The following WASF3 variants were observed in gnomAD, a reference collection of about 807,000 sequenced individuals.
The protein encoded by WASF3 is WASP family member 3, also known as actin-binding protein WASF3.
WASF3 carries 11 observed loss-of-function variants against 46.6 expected under a neutral mutation model. The observed-to-expected ratio is 0.24, with a 90% CI of 0.15 to 0.39. The LOEUF is 0.39. WASF3 is among the 10% of genes least tolerant of loss of function. WASF3 has a pLI of 1.00. For synonymous variants in WASF3, 242 were observed against 259.7 expected (o/e 0.93, Z 0.65); for missense variants, 576 against 669.8 (o/e 0.86, Z 1.55).
At chr13:26,672,243 TTAG>T (rs1157493350) in intron 6 of WASF3, among the ~76,000 whole-genome samples, 14 of 152,248 alleles carry the variant, frequency 9.2e-5, no homozygotes, top group Non-Finnish European at 2.1e-4. Context: ...TTACCATGTT[TTAG>T]TAACTCCTCT....
intron 1 of WASF3, among the ~76,000 whole-genome samples, chr13:26,589,962 C>G (rs953276633): frequency 2.0e-5 from 3 of 152,186 alleles, no homozygotes; most frequent in African/African-American, 7.2e-5. Flanking sequence ...GCTCAGTGTA[C>G]AGGAAGGAAT....
chr13:26,561,298 A>G (rs1879287501), intron 1 of WASF3, among the ~76,000 whole-genome samples: 1 of 152,102 alleles, frequency 6.6e-6, no homozygotes, highest in African/African-American at 2.4e-5. Flanking sequence ...TTGAGGAGGT[A>G]GAATTGCTGG....
At chr13:26,547,393 A>AACACACACAC in the WASF3 span, among the ~76,000 whole-genome samples, 14 of 131,346 alleles carry the variant, frequency 1.1e-4, no homozygotes, top group African/African-American at 4.0e-4. Flanking sequence ...CTACCCCATC[A>AACACACACAC]ACACACACAC....
intron 1 of WASF3, among the ~76,000 whole-genome samples, chr13:26,588,487 G>A (rs1207866042): frequency 1.3e-5 from 2 of 152,200 alleles, no homozygotes; most frequent in East Asian, 1.9e-4. Flanking sequence ...GGAGGTTGGG[G>A]TAAGAGATTA....
At chr13:26,552,194 A>T in the WASF3 span, among the ~76,000 whole-genome samples, 3 of 152,238 alleles carry the variant, frequency 2.0e-5, no homozygotes, top group Non-Finnish European at 4.4e-5. Context: ...TGGGGGAAAA[A>T]GACAATTTCT....
chr13:26,614,312 T>C (rs923613597), intron 2 of WASF3, among the ~76,000 whole-genome samples: 4 of 152,228 alleles, frequency 2.6e-5, no homozygotes, highest in African/African-American at 9.6e-5. Flanking sequence ...CAGGAATGTA[T>C]CTGTGTTCTC....
chr13:26,554,092 C>CTTTCTTTCT (rs1443126879), upstream of WASF3, among the ~76,000 whole-genome samples: 121 of 23,136 alleles, frequency 5.2e-3, no homozygotes, highest in East Asian at 0.014. Context: ...TCCTTCCTTC[C>CTTTCTTTCT]TTCCTTCTTT....
chr13:26,564,900 G>GT (rs66809412), intron 1 of WASF3, among the ~76,000 whole-genome samples: 27,421 of 81,466 alleles, frequency 0.34, 4,648 homozygotes, highest in East Asian at 0.43. Context: ...CAAGGTTGTG[G>GT]TTTTTTTTTT....
At chr13:26,567,667 T>C (rs1308340956) in intron 1 of WASF3, among the ~76,000 whole-genome samples, 1 of 150,334 alleles carries the variant, frequency 6.7e-6, no homozygotes, top group Non-Finnish European at 1.5e-5. Flanking sequence ...GGGCTCACAT[T>C]GTAGTAGGTG....
intron 2 of WASF3, among the ~76,000 whole-genome samples, chr13:26,632,488 A>G (rs55853913): frequency 1.1e-4 from 17 of 152,254 alleles, no homozygotes; most frequent in African/African-American, 3.4e-4. Flanking sequence ...TGATTTGCAT[A>G]TGTTGAACCA....
chr13:26,665,212 GT>G, intron 4 of WASF3, 50 bp downstream of exon 4: 1 of 1,593,908 alleles, frequency 6.3e-7, no homozygotes, highest in Non-Finnish European at 8.6e-7. Flanking sequence ...TGACAAGATG[GT>G]AGTAATTAAT....
intron 1 of WASF3, among the ~76,000 whole-genome samples, chr13:26,582,235 T>A (rs1880000048): frequency 1.3e-5 from 2 of 152,296 alleles, no homozygotes; most frequent in South Asian, 4.1e-4. Flanking sequence ...CTGGATGCTC[T>A]GTTGCCTCTA....
rs1019808919 is a variant in WASF3, at chr13:26,686,592, G to A, written c.*747G>A. ...AAGAACAGAGTCCATTTTCCTTCCT[G>A]GGGCCATTGGGGATGACACTCAAGA... On this transcript the variant is annotated 3_prime_UTR_variant, in exon 10 of 10. Transcript: ENST00000335327. The A allele has an allele frequency of 6.6e-6, 1 of 152,310 alleles. No homozygotes were observed. Among genetic ancestry groups the A allele is most frequent in the Non-Finnish European group, 1.5e-5 (1 of 68,128 alleles). The allele number at this position is 152,310 out of a possible 1,614,324, so 9.4% of individuals were successfully genotyped here. A position where few individuals can be genotyped will look rare whatever the true frequency, so the allele number is the denominator to read the frequency against.
intron 1 of WASF3, among the ~76,000 whole-genome samples, chr13:26,558,625 C>T (rs972308860): frequency 1.3e-5 from 2 of 152,140 alleles, no homozygotes; most frequent in Non-Finnish European, 2.9e-5. Context: ...GGGAGAGTTC[C>T]CTGGTGGAGA....
In WASF3 at chr13:26,559,606, G is replaced by C. The variant is rs574889226; in HGVS notation, c.-109+1787G>C. 2.1e-4 allele frequency among the ~76,000 whole-genome samples: 32 copies of C among 152,032 alleles called. 1 individual carries two copies. The highest frequency in any genetic ancestry group is 3.4e-4 in the Non-Finnish European group (23 of 68,000). ...ATGGCAGGTAACCTTTTGGTTATTG[G>C]GATGTTTTGATTAAAACAATTGCGT... On this transcript the variant is annotated intron_variant, in intron 1 of 9. Transcript: ENST00000335327.
At chr13:26,570,567 T>C (rs748702686) in intron 1 of WASF3, among the ~76,000 whole-genome samples, 4 of 152,194 alleles carry the variant, frequency 2.6e-5, no homozygotes, top group African/African-American at 4.8e-5. Context: ...ACTTTGCTTT[T>C]TTTCACTTAA....
chr13:26,607,212 G>C (rs906748132), intron 1 of WASF3, among the ~76,000 whole-genome samples: 1 of 152,000 alleles, frequency 6.6e-6, no homozygotes, highest in African/African-American at 2.4e-5. Context: ...CTTGTGGTGT[G>C]GTATTTTTTG....
At chr13:26,684,917 T>A (rs1210122348) in intron 9 of WASF3, among the ~76,000 whole-genome samples, 1 of 152,122 alleles carries the variant, frequency 6.6e-6, no homozygotes, top group Non-Finnish European at 1.5e-5. Flanking sequence ...ACTCTATCTC[T>A]ACAAAAAAGA....
intron 1 of WASF3, among the ~76,000 whole-genome samples, chr13:26,595,536 G>A (rs1254690632): frequency 6.6e-6 from 1 of 152,146 alleles, no homozygotes; most frequent in East Asian, 1.9e-4. Flanking sequence ...GTGTGTGTGT[G>A]TGAGTGTGTA....
Sources: gnomAD v4.1 joint callset for allele counts (sites outside exome capture counted in the v4.1 genomes callset) on GRCh38, gnomAD v4.1.1 for gene constraint, MANE v1.5 for transcripts, NCBI Gene and HGNC (gene_info 2026-07-23, HGNC 2026-07-21) for gene names.